CREB3L1: variants seen among roughly 807,000 people sequenced by gnomAD.
CREB3L1 encodes the protein cyclic AMP-responsive element-binding protein 3-like protein 1.
Under a neutral mutation model 54.5 loss-of-function variants are expected in CREB3L1, and 33 were observed. That is an observed-to-expected ratio of 0.61 (90% CI 0.46 to 0.81). CREB3L1 has a LOEUF of 0.81. CREB3L1 is among the 30% of genes least tolerant of loss of function. The pLI, the probability that CREB3L1 is intolerant of heterozygous loss-of-function variation, is 0.00. For synonymous variants in CREB3L1, 284 were observed against 286.4 expected (o/e 0.99, Z 0.08); for missense variants, 656 against 673.3 (o/e 0.97, Z 0.29).
intron 1 of CREB3L1, among the ~76,000 whole-genome samples, chr11:46,284,739 C>T (rs1939032364): frequency 6.6e-6 from 1 of 151,934 alleles, no homozygotes; most frequent in African/African-American, 2.4e-5. Context: ...ATCCATTGTG[C>T]ACTCTGCTCA....
At chr11:46,283,560 T>C (rs1208953168) in intron 1 of CREB3L1, among the ~76,000 whole-genome samples, 1 of 152,112 alleles carries the variant, frequency 6.6e-6, no homozygotes, top group Non-Finnish European at 1.5e-5. Flanking sequence ...GGGGCAATCC[T>C]TGTAAGGGAA....
intron 1 of CREB3L1, among the ~76,000 whole-genome samples, chr11:46,285,123 G>T (rs754438571): frequency 2.0e-5 from 3 of 152,156 alleles, no homozygotes; most frequent in Non-Finnish European, 4.4e-5. Flanking sequence ...ACCAGGAGAG[G>T]GGAGCATAAA....
chr11:46,293,175 G>A (rs532044901), intron 1 of CREB3L1, among the ~76,000 whole-genome samples: 15 of 152,332 alleles, frequency 9.8e-5, no homozygotes, highest in Admixed American at 8.5e-4. Flanking sequence ...CGCCAACCCC[G>A]GCACTCGGTT....
intron 10 of CREB3L1, among the ~76,000 whole-genome samples, chr11:46,319,286 T>TGCAGAGCCGGAGGGGCA (rs1312277020): frequency 6.6e-6 from 1 of 152,156 alleles, no homozygotes; most frequent in Non-Finnish European, 1.5e-5. Flanking sequence ...AGGTCATGGC[T>TGCAGAGCCGGAGGGGCA]GCAGAGCCGG....
intron 8 of CREB3L1, among the ~76,000 whole-genome samples, chr11:46,313,773 A>T (rs1402974433): frequency 6.6e-6 from 1 of 152,142 alleles, no homozygotes; most frequent in Non-Finnish European, 1.5e-5. Flanking sequence ...ATGTACTATG[A>T]AGTTTGAGAA....
At chr11:46,300,525 A>G (rs925155830) in intron 2 of CREB3L1, among the ~76,000 whole-genome samples, 5 of 152,180 alleles carry the variant, frequency 3.3e-5, no homozygotes, top group Non-Finnish European at 5.9e-5. Context: ...TCTGATGCAC[A>G]CTCAGATTTG....
At position 46,320,870 on chromosome 11, in the gene CREB3L1, C is replaced by A. The variant is rs1939641611; in HGVS notation, c.*124C>A. On this transcript the variant is annotated 3_prime_UTR_variant, in exon 12 of 12. Transcript: ENST00000621158. ...GCTTCCCATTCCAGGAGAAAAGGCTCCACTTCCCAGCCCTTCCTTGCCCCT... is the reference window on the plus strand; with the variant it reads ...GCTTCCCATTCCAGGAGAAAAGGCTACACTTCCCAGCCCTTCCTTGCCCCT... The A allele has an allele frequency of 1.9e-6, 2 of 1,039,030 alleles. No homozygotes were observed. The highest frequency in any genetic ancestry group is 3.2e-5 in the African/African-American group (2 of 62,872). 64.4% of individuals were successfully genotyped at this position (1,039,030 alleles called of 1,614,324 possible).
chr11:46,306,695 C>A (rs576278465), intron 2 of CREB3L1, among the ~76,000 whole-genome samples: 2 of 152,180 alleles, frequency 1.3e-5, no homozygotes, highest in African/African-American at 4.8e-5. Context: ...CTTGCTATAT[C>A]CCCAGCATCT....
intron 1 of CREB3L1, among the ~76,000 whole-genome samples, chr11:46,296,061 C>A (rs1022925210): frequency 6.6e-6 from 1 of 152,222 alleles, no homozygotes; most frequent in African/African-American, 2.4e-5. Context: ...GGACGCTCAC[C>A]CCCTGCAGAA....
At chr11:46,306,184 G>T (rs113481877) in intron 2 of CREB3L1, among the ~76,000 whole-genome samples, 7 of 152,198 alleles carry the variant, frequency 4.6e-5, no homozygotes, top group African/African-American at 7.2e-5. Flanking sequence ...TGGGATTATA[G>T]GCGTGAGCTA....
At chr11:46,309,953 G>T in intron 3 of CREB3L1, 36 bp from the exon 4 acceptor site, 1 of 1,541,270 alleles carries the variant, frequency 6.5e-7, no homozygotes, top group Non-Finnish European at 8.8e-7. Context: ...ACAGACCCAG[G>T]GGCAGCTAAT....
Position 46,310,414 on chromosome 11 carries a change from C to G in CREB3L1, c.595+347C>G, listed in dbSNP as rs1242468386. Among the ~76,000 whole-genome samples, 44 of 152,108 alleles carry G rather than the reference C, an allele frequency of 2.9e-4. 1 individual carries two copies. The highest frequency in any genetic ancestry group is 2.9e-3 in the Admixed American group (44 of 15,248). Reference sequence around the variant, plus strand: ...TCCTAAGTACCTGGGATTACAGGTGCCCACCACCACGCCTGGCTAATTTTT... The same window carrying G: ...TCCTAAGTACCTGGGATTACAGGTGGCCACCACCACGCCTGGCTAATTTTT... On this transcript the variant is annotated intron_variant, in intron 4 of 11. Coordinates refer to ENST00000621158, the MANE Select transcript of CREB3L1 (RefSeq NM_052854.4).
chr11:46,300,280 G>A, intron 2 of CREB3L1, 117 bp downstream of exon 2: 4 of 754,240 alleles, frequency 5.3e-6, no homozygotes, highest in Middle Eastern at 3.8e-4. Context: ...TCCAAGAGGA[G>A]CCACCACAAA....
At chr11:46,293,165 C>T (rs981858261) in intron 1 of CREB3L1, among the ~76,000 whole-genome samples, 1 of 152,260 alleles carries the variant, frequency 6.6e-6, no homozygotes, top group African/African-American at 2.4e-5. Context: ...GAGGCCCCTG[C>T]GCCAACCCCG....
intron 1 of CREB3L1, among the ~76,000 whole-genome samples, chr11:46,297,319 G>A (rs1939226450): frequency 6.6e-6 from 1 of 152,230 alleles, no homozygotes; most frequent in African/African-American, 2.4e-5. Flanking sequence ...TCCTGGTACT[G>A]CCTCACTCCA....
At chr11:46,287,997 G>A (rs1296926941) in intron 1 of CREB3L1, among the ~76,000 whole-genome samples, 1 of 151,930 alleles carries the variant, frequency 6.6e-6, no homozygotes, top group Non-Finnish European at 1.5e-5. Flanking sequence ...ATCACGTCAT[G>A]GAGAATGGGG....
rs529670240 is a variant in CREB3L1, at chr11:46,320,979, CA to C, written c.*234del. On this transcript the variant is annotated 3_prime_UTR_variant, in exon 12 of 12. Transcript: ENST00000621158. Reference sequence around the variant, plus strand: ...ATCCATCCGTCCTTCTCAGACAAACCACTCACTGGGTACCCCACCTCCTCTC... The same window carrying C: ...ATCCATCCGTCCTTCTCAGACAAACCCTCACTGGGTACCCCACCTCCTCTC... 1.1e-5 allele frequency: 7 copies of C among 663,182 alleles called. No homozygotes were observed. The highest frequency in any genetic ancestry group is 9.7e-5 in the South Asian group (6 of 62,074). 41.1% of individuals were successfully genotyped at this position (663,182 alleles called of 1,614,324 possible).
chr11:46,301,454 G>A lies in CREB3L1; in HGVS notation c.331+1291G>A, dbSNP rs151053203. ...GGAGACGAAGACCAGCCTGGCGAAC[G>A]TGATAAAACCCCGTCTCTACAAAAA... is the stretch of plus-strand genomic sequence containing the variant. On this transcript the variant is annotated intron_variant, in intron 2 of 11. Transcript: ENST00000621158. Among the ~76,000 whole-genome samples the A allele has an allele frequency of 7.3e-5, 11 of 151,378 alleles. No individual in the cohort carries two copies. In the East Asian group the frequency reaches 9.8e-4, roughly 13 times the overall value.
chr11:46,311,333 T>G (rs1042987610), intron 5 of CREB3L1, 144 bp downstream of exon 5: 2 of 1,156,058 alleles, frequency 1.7e-6, no homozygotes, highest in African/African-American at 3.2e-5. Flanking sequence ...ACCTGGCAGA[T>G]GGGAGTTCTA....
Sources: gnomAD v4.1 joint callset for allele counts (sites outside exome capture counted in the v4.1 genomes callset) on GRCh38, gnomAD v4.1.1 for gene constraint, MANE v1.5 for transcripts, NCBI Gene and HGNC (gene_info 2026-07-23, HGNC 2026-07-21) for gene names.